The following CTNNA3 variants were observed in gnomAD, a reference collection of about 807,000 sequenced individuals.
The protein encoded by CTNNA3 is catenin alpha-3.
Under a neutral mutation model 95.7 loss-of-function variants are expected in CTNNA3, and 76 were observed. That is an observed-to-expected ratio of 0.79 (90% CI 0.66 to 0.96). The LOEUF is 0.96. CTNNA3 is among the 40% of genes least tolerant of loss of function. The pLI is 0.00. For synonymous variants in CTNNA3, 431 were observed against 374.4 expected (o/e 1.15, Z -1.74); for missense variants, 1,191 against 1,089.8 (o/e 1.09, Z -1.31).
At chr10:66,240,181 T>G (rs1326379940) in intron 13 of CTNNA3, among the ~76,000 whole-genome samples, 2 of 152,044 alleles carry the variant, frequency 1.3e-5, no homozygotes, top group Non-Finnish European at 2.9e-5. Context: ...AATTGCCACT[T>G]TCTACCTTTC....
chr10:66,896,140 C>G (rs747631077), intron 7 of CTNNA3, among the ~76,000 whole-genome samples: 3 of 151,892 alleles, frequency 2.0e-5, no homozygotes, highest in Non-Finnish European at 2.9e-5. Flanking sequence ...TTGCCATAAA[C>G]AATGCATACA....
chr10:66,678,138 C>T (rs998724930), intron 9 of CTNNA3, among the ~76,000 whole-genome samples: 2 of 152,024 alleles, frequency 1.3e-5, no homozygotes, highest in Admixed American at 1.3e-4. Flanking sequence ...ATATGCTTTC[C>T]CTTGTCACTG....
At chr10:66,797,643 G>A (rs529810491) in intron 7 of CTNNA3, among the ~76,000 whole-genome samples, 8 of 151,976 alleles carry the variant, frequency 5.3e-5, no homozygotes, top group African/African-American at 1.2e-4. Flanking sequence ...AGCTGTGCAC[G>A]TGATTTTGCT....
Position 66,258,153 on chromosome 10 carries a change from T to G in CTNNA3, c.1884+22317A>C, listed in dbSNP as rs10997015. On this transcript the variant is annotated intron_variant, in intron 13 of 17. Transcript: ENST00000433211. ...TCCAAGACAGCAATCTACTCCCTTATGTGGATGACCCTACTAATCTGTAGT... is the reference window on the plus strand; with the variant it reads ...TCCAAGACAGCAATCTACTCCCTTAGGTGGATGACCCTACTAATCTGTAGT... Among the ~76,000 whole-genome samples, 21 of 152,296 alleles carry G rather than the reference T, an allele frequency of 1.4e-4. No homozygotes were observed. The East Asian group carries it at 3.3e-3, about 24-fold the overall frequency.
chr10:66,296,647 C>G (rs768828383), intron 12 of CTNNA3, among the ~76,000 whole-genome samples: 46 of 151,426 alleles, frequency 3.0e-4, no homozygotes, highest in Non-Finnish European at 1.5e-4. Flanking sequence ...AAAAATCATG[C>G]CTGTTGATTG....
At chr10:67,089,717 A>ATGTGTGTG (rs71006125) in intron 7 of CTNNA3, among the ~76,000 whole-genome samples, 23,391 of 144,554 alleles carry the variant, frequency 0.16, 1,913 homozygotes, top group Middle Eastern at 0.24. Context: ...GTATATACAT[A>ATGTGTGTG]TGTGTGTGTG....
At chr10:67,190,525 C>A (rs1863073541) in intron 6 of CTNNA3, among the ~76,000 whole-genome samples, 1 of 151,454 alleles carries the variant, frequency 6.6e-6, no homozygotes, top group Admixed American at 6.6e-5. Flanking sequence ...TATAAAAATA[C>A]AAAGTAATTA....
chr10:67,702,177 G>A (rs933774157), intron 1 of CTNNA3, among the ~76,000 whole-genome samples: 1 of 152,010 alleles, frequency 6.6e-6, no homozygotes, highest in Non-Finnish European at 1.5e-5. Context: ...AATAATAATG[G>A]GAGACTTTAA....
intron 5 of CTNNA3, among the ~76,000 whole-genome samples, chr10:67,222,424 A>G (rs1864705220): frequency 6.6e-6 from 1 of 152,204 alleles, no homozygotes; most frequent in African/African-American, 2.4e-5. Flanking sequence ...AAATGGGATA[A>G]TGATACTTCT....
chr10:67,601,799 T>C (rs1843091723), intron 3 of CTNNA3, among the ~76,000 whole-genome samples: 1 of 152,208 alleles, frequency 6.6e-6, no homozygotes, highest in South Asian at 2.1e-4. Flanking sequence ...ACTTACAATG[T>C]GAACCACCTC....
At chr10:67,654,377 C>CT (rs1839961467) in intron 1 of CTNNA3, among the ~76,000 whole-genome samples, 1 of 152,144 alleles carries the variant, frequency 6.6e-6, no homozygotes, top group African/African-American at 2.4e-5. Flanking sequence ...CCTGCCCAGA[C>CT]TTTCTAGCAC....
chr10:66,569,961 G>A (rs1842819057), intron 10 of CTNNA3, among the ~76,000 whole-genome samples: 1 of 152,154 alleles, frequency 6.6e-6, no homozygotes, highest in Admixed American at 6.6e-5. Context: ...ACTATGAAAG[G>A]AGAGTGAGCA....
chr10:66,122,106 TAAC>T (rs1564668742), intron 13 of CTNNA3, among the ~76,000 whole-genome samples: 1 of 151,898 alleles, frequency 6.6e-6, no homozygotes, highest in Non-Finnish European at 1.5e-5. Context: ...GAAAAACAGA[TAAC>T]AAACAAAAGG....
At chr10:67,711,238 G>A (rs1258352970) in intron 1 of CTNNA3, among the ~76,000 whole-genome samples, 2 of 152,160 alleles carry the variant, frequency 1.3e-5, no homozygotes, top group African/African-American at 2.4e-5. Context: ...GTAGAGTGGC[G>A]CATTACTGAA....
chr10:67,735,892 G>C (rs1841299951), intron 1 of CTNNA3, among the ~76,000 whole-genome samples: 1 of 152,022 alleles, frequency 6.6e-6, no homozygotes, highest in African/African-American at 2.4e-5. Flanking sequence ...ATAGACAAAA[G>C]GTAGAAATAA....
chr10:67,340,636 C>T (rs1842150429), intron 5 of CTNNA3, among the ~76,000 whole-genome samples: 1 of 152,232 alleles, frequency 6.6e-6, no homozygotes, highest in Non-Finnish European at 1.5e-5. Context: ...GAAAGCCAAT[C>T]AGGAAGTCTT....
At chr10:67,726,522 TATTA>T (rs1430695827) in intron 1 of CTNNA3, among the ~76,000 whole-genome samples, 3 of 68,360 alleles carry the variant, frequency 4.4e-5, no homozygotes, top group Non-Finnish European at 7.3e-5. Context: ...TATTATATTA[TATTA>T]TATATATTAT....
chr10:66,605,805 G>A (rs540773034), intron 10 of CTNNA3, among the ~76,000 whole-genome samples: 1 of 152,116 alleles, frequency 6.6e-6, no homozygotes, highest in Admixed American at 6.5e-5. Flanking sequence ...GCTTCTGAAG[G>A]AAGCACTAAA....
At chr10:66,285,783 T>TTAAC (rs1238982756) in intron 12 of CTNNA3, among the ~76,000 whole-genome samples, 2 of 151,918 alleles carry the variant, frequency 1.3e-5, no homozygotes, top group African/African-American at 4.8e-5. Context: ...GTTATGTTAA[T>TTAAC]TAACTGGGAG....
Sources: allele counts gnomAD v4.1 joint callset (sites outside exome capture counted in the v4.1 genomes callset), GRCh38; gene constraint gnomAD v4.1.1; transcripts MANE v1.5; gene names NCBI Gene and HGNC (gene_info 2026-07-23, HGNC 2026-07-21).